Variants in BRD4 observed in about 807,000 individuals in gnomAD.
BRD4 encodes bromodomain-containing protein 4.
Under a neutral mutation model 142.1 loss-of-function variants are expected in BRD4, and 16 were observed. The observed-to-expected ratio is 0.11, with a 90% CI of 0.08 to 0.17. The LOEUF is 0.17. Among genes scored for constraint, BRD4 ranks in the 10% least tolerant of loss-of-function variants. BRD4 has a pLI of 1.00. For missense variants in BRD4, 1,424 were observed against 1,810.9 expected (o/e 0.79, Z 3.88); for synonymous variants, 833 against 707.5 (o/e 1.18, Z -2.82).
At chr19:15,303,703 G>A (rs1259792897) in intron 1 of BRD4, among the ~76,000 whole-genome samples, 1 of 152,184 alleles carries the variant, frequency 6.6e-6, no homozygotes, top group East Asian at 1.9e-4. Context: ...CCCTTATATA[G>A]TCTGTGTTCT....
rs2145492910 is a variant in BRD4, at chr19:15,236,779, C to T, written c.*1598G>A. 5.6e-6 allele frequency: 1 copy of T among 177,386 alleles called. No homozygotes were observed. The highest frequency in any genetic ancestry group is 2.0e-4 in the South Asian group (1 of 4,994). The allele number at this position is 177,386 out of a possible 1,614,324, so 11.0% of individuals were successfully genotyped here. A position where few individuals can be genotyped will look rare whatever the true frequency, so the allele number is the denominator to read the frequency against. On this transcript the variant is annotated 3_prime_UTR_variant, in exon 20 of 20. Transcript: ENST00000679869. ...GAGGTGGTCTGGGGTCCAGGGGGTC[C>T]CCTGGGCCTAGCCTAGGCAACAGTT...
At chr19:15,330,811 A>G (rs1049696395) in intron 1 of BRD4, among the ~76,000 whole-genome samples, 1 of 152,218 alleles carries the variant, frequency 6.6e-6, no homozygotes, top group Non-Finnish European at 1.5e-5. Context: ...AGATTGTGCC[A>G]TCAAAAACTT....
At chr19:15,322,718 T>C (rs933917061) in intron 1 of BRD4, among the ~76,000 whole-genome samples, 1 of 134,936 alleles carries the variant, frequency 7.4e-6, no homozygotes, top group Non-Finnish European at 1.6e-5. Context: ...AAAAAAAAAA[T>C]TAGCCAGGCA....
intron 1 of BRD4, among the ~76,000 whole-genome samples, chr19:15,319,198 G>A (rs538972760): frequency 5.9e-5 from 9 of 152,004 alleles, no homozygotes; most frequent in South Asian, 2.1e-4. Flanking sequence ...GGCTGGGAGC[G>A]GTGCCTCACA....
chr19:15,253,275 T>C, intron 11 of BRD4: 1 of 496,326 alleles, frequency 2.0e-6, no homozygotes, highest in South Asian at 3.0e-5. Context: ...GCACCATGGC[T>C]CCCTCCCTAG....
intron 9 of BRD4, 75 bp from the exon 10 acceptor site, chr19:15,255,667 T>A: frequency 1.3e-6 from 2 of 1,507,056 alleles, no homozygotes; most frequent in South Asian, 1.3e-5. Flanking sequence ...TCCACATGTA[T>A]GTTGGGGGGA....
intron 1 of BRD4, among the ~76,000 whole-genome samples, chr19:15,278,214 A>T (rs143846056): frequency 6.6e-6 from 1 of 151,300 alleles, no homozygotes. Context: ...TTTGTGCAGC[A>T]TCCAACAGGC....
chr19:15,255,712 C>T (rs1488881152), intron 9 of BRD4, 120 bp from the exon 10 acceptor site: 5 of 1,308,576 alleles, frequency 3.8e-6, no homozygotes, highest in South Asian at 1.5e-5. Flanking sequence ...ACCCACCAGC[C>T]TTCACAGGAA....
In BRD4 at chr19:15,244,466, TG is replaced by T; in HGVS notation, c.2345del (p.Pro782HisfsTer12). 1.2e-5 allele frequency: 1 copy of T among 85,736 alleles called. No individual in the cohort carries two copies. The highest frequency in any genetic ancestry group is 1.9e-4 in the Admixed American group (1 of 5,302). The allele number at this position is 85,736 out of a possible 1,614,324, so 5.3% of individuals were successfully genotyped here. On this transcript the variant is annotated frameshift_variant, in exon 13 of 20. Coordinates refer to ENST00000679869, the MANE Select transcript of BRD4 (RefSeq NM_001379291.1). LOFTEE classifies it high-confidence loss of function. ...GGGCTGCCTGCTGCGGCATGGAGGG[TG>T]GGGGAGGCGGGGGTGGCGGCTGCTG... ...QQQQPPPPPP[P>X]PSMPQQAAPA... is the part of the protein sequence containing the mutation.
At chr19:15,327,501 G>A (rs954948059) in intron 1 of BRD4, among the ~76,000 whole-genome samples, 2 of 151,894 alleles carry the variant, frequency 1.3e-5, no homozygotes, top group Non-Finnish European at 2.9e-5. Flanking sequence ...CTGAGATCGT[G>A]CCACTGCACT....
chr19:15,299,966 C>A (rs972296919), intron 1 of BRD4, among the ~76,000 whole-genome samples: 2 of 152,216 alleles, frequency 1.3e-5, no homozygotes. Flanking sequence ...TGCACCTGGC[C>A]AGGCACAGTG....
intron 1 of BRD4, among the ~76,000 whole-genome samples, chr19:15,278,543 CAA>C (rs1235423521): frequency 0.019 from 1,432 of 74,944 alleles, 6 homozygotes; most frequent in Non-Finnish European, 0.021. Context: ...CAACCCCCGC[CAA>C]AAAAAAAAAA....
At chr19:15,287,406 A>T (rs2047748322) in intron 1 of BRD4, among the ~76,000 whole-genome samples, 1 of 152,076 alleles carries the variant, frequency 6.6e-6, no homozygotes, top group Admixed American at 6.6e-5. Flanking sequence ...AGAACTTTTT[A>T]ATTTATGTAT....
intron 1 of BRD4, among the ~76,000 whole-genome samples, chr19:15,274,890 C>G (rs1233222688): frequency 6.7e-6 from 1 of 149,094 alleles, no homozygotes; most frequent in African/African-American, 2.5e-5. Flanking sequence ...TTTTTGGAGA[C>G]AGGGTCTGTC....
chr19:15,290,997 G>A (rs1465808161), intron 1 of BRD4, among the ~76,000 whole-genome samples: 1 of 152,170 alleles, frequency 6.6e-6, no homozygotes, highest in Admixed American at 6.5e-5. Flanking sequence ...CAGATGGAAA[G>A]AAGTGGGTAT....
intron 1 of BRD4, chr19:15,331,941 GC>G (rs1007231575): frequency 3.4e-5 from 2 of 58,480 alleles, no homozygotes; most frequent in African/African-American, 1.3e-4. Flanking sequence ...GCCTCGGCCC[GC>G]CCCCCGCCCG....
At position 15,238,819 on chromosome 19, in the gene BRD4, G is replaced by C. The variant is rs1456543475; in HGVS notation, c.3944C>G (p.Ser1315Cys). 11 of 1,603,580 alleles carry C rather than the reference G, an allele frequency of 6.9e-6. No homozygotes were observed. The highest frequency in any genetic ancestry group is 1.1e-5 in the South Asian group (1 of 90,158). ...CTGGTCCAGCATGGACTGGGGCTGGGAGCTCTGGGCCTGTGGGGTGGCGGC... is the reference window on the plus strand; with the variant it reads ...CTGGTCCAGCATGGACTGGGGCTGGCAGCTCTGGGCCTGTGGGGTGGCGGC... ...AAAATPQAQSSQPQSMLDQQR... is the reference protein window; with the variant it reads ...AAAATPQAQSCQPQSMLDQQR... The change falls in exon 19 of 20, where the codon TCC becomes TGC. Residue 1315 changes from serine (S) to cysteine (C), a missense_variant. Ser to Cys is a moderately radical substitution (Grantham distance 112). This residue lies in a region of BRD4 where 109 missense variants were observed against 117.9 expected (regional missense o/e 0.92). Coordinates refer to ENST00000679869, the MANE Select transcript of BRD4 (RefSeq NM_001379291.1). This position sits in a 1 kb window ranked among gnomAD's most constrained non-coding sequence, Gnocchi z 7.2.
chr19:15,311,991 G>T (rs923963381), intron 1 of BRD4, among the ~76,000 whole-genome samples: 1 of 152,216 alleles, frequency 6.6e-6, no homozygotes, highest in Admixed American at 6.5e-5. Flanking sequence ...ACTTTCTAGT[G>T]ATCTGCTGCA....
chr19:15,305,871 C>A (rs1686856374), intron 1 of BRD4, among the ~76,000 whole-genome samples: 1 of 152,240 alleles, frequency 6.6e-6, no homozygotes, highest in African/African-American at 2.4e-5. Flanking sequence ...TTAGCTAGAT[C>A]TGGATAACTT....
Sources: allele counts gnomAD v4.1 joint callset (sites outside exome capture counted in the v4.1 genomes callset), GRCh38; gene constraint gnomAD v4.1.1; regional missense constraint gnomAD v4.1.1; non-coding constraint Gnocchi (gnomAD v3.1); transcripts MANE v1.5; gene names NCBI Gene and HGNC (gene_info 2026-07-23, HGNC 2026-07-21).